NCKAP1L: variants seen among roughly 807,000 people sequenced by gnomAD.
NCKAP1L encodes nck-associated protein 1-like.
A neutral mutation model predicts 139.2 loss-of-function variants in NCKAP1L; 53 were observed. The observed-to-expected ratio is 0.38, with a 90% CI of 0.31 to 0.48. The LOEUF (loss-of-function observed/expected upper bound fraction) is 0.48, where lower values mean the gene tolerates loss of function less well. Ranked by LOEUF, NCKAP1L falls within the 20% of genes least tolerant of loss-of-function variation. The pLI is 0.98. For synonymous variants in NCKAP1L, 468 were observed against 499.7 expected, an observed-to-expected ratio of 0.94 and a Z score of 0.85; for missense variants, 1,151 against 1,381.9, an observed-to-expected ratio of 0.83 and a Z score of 2.65.
chr12:54,521,173 T>G lies in NCKAP1L; in HGVS notation c.1813T>G (p.Leu605Val), dbSNP rs2120929626. 1.2e-6 allele frequency: 2 copies of G among 1,613,844 alleles called. No individual in the cohort carries two copies. The highest frequency in any genetic ancestry group is 1.7e-6 in the Non-Finnish European group (2 of 1,179,956). ...CCACTGCAACTCCTTCCTGGAAGAG[T>G]TGGCCAAGCAGACCAGCAATTGCGT... ...LHHCNSFLEE[L>V]AKQTSNCVLE... Residue 605 changes from leucine (L) to valine (V), a missense_variant, in exon 18 of 31, where the codon TTG becomes GTG. Transcript: ENST00000293373.
chr12:54,508,373 T>C lies in NCKAP1L; in HGVS notation c.364-16T>C. 1 of 1,614,010 alleles carries C rather than the reference T, an allele frequency of 6.2e-7. No individual in the cohort carries two copies. The highest frequency in any genetic ancestry group is 8.5e-7 in the Non-Finnish European group (1 of 1,179,848). ...TGGCCATGCTGTCCTTGGGTTCCTA[T>C]GTATTTTCCTTGTAGAATCTCAACT... On this transcript the variant is annotated splice_polypyrimidine_tract_variant and intron_variant, in intron 4 of 30. Coordinates refer to ENST00000293373, the MANE Select transcript of NCKAP1L (RefSeq NM_005337.5).
chr12:54,531,728 C>T lies in NCKAP1L; in HGVS notation c.2699-15C>T, dbSNP rs1368979048. 1 of 1,610,120 alleles carries T rather than the reference C, an allele frequency of 6.2e-7. No homozygotes were observed. The highest frequency in any genetic ancestry group is 2.2e-5 in the East Asian group (1 of 44,738). On this transcript the variant is annotated splice_polypyrimidine_tract_variant and intron_variant, in intron 24 of 30. Coordinates refer to ENST00000293373, the MANE Select transcript of NCKAP1L (RefSeq NM_005337.5). ...TCTCTAAATTATCTTTTCTAACACG[C>T]TTCTTTCTCCTCAGGGGCTGAAAAT...
At chr12:54,504,902 G>T (rs1437289108) in intron 3 of NCKAP1L, among the ~76,000 whole-genome samples, 1 of 152,218 alleles carries the variant, frequency 6.6e-6, no homozygotes, top group Admixed American at 6.5e-5. Flanking sequence ...TAGAGAATAA[G>T]ACCTGCGTAG....
intron 3 of NCKAP1L, among the ~76,000 whole-genome samples, chr12:54,503,604 CAT>C (rs958876651): frequency 1.3e-4 from 20 of 149,442 alleles, no homozygotes; most frequent in Admixed American, 6.0e-4. Context: ...AGTATACACA[CAT>C]ATATATATAT....
At chr12:54,525,037 G>A (rs1453570101) in intron 20 of NCKAP1L, among the ~76,000 whole-genome samples, 1 of 152,192 alleles carries the variant, frequency 6.6e-6, no homozygotes, top group Non-Finnish European at 1.5e-5. Context: ...AGGTTCAAGG[G>A]ACATGGAGAA....
chr12:54,500,101 A>G (rs1464320492), intron 2 of NCKAP1L, among the ~76,000 whole-genome samples: 1 of 141,874 alleles, frequency 7.0e-6, no homozygotes, highest in African/African-American at 2.7e-5. Context: ...GTATATTTCA[A>G]CTCTCTTTCT....
chr12:54,521,257 G>A lies in NCKAP1L; in HGVS notation c.1878+19G>A. On this transcript the variant is annotated intron_variant, in intron 18 of 30. Transcript: ENST00000293373. ...CGAGCAGGTAGACTCAGCCCTCTCT[G>A]TTTCACTCTCCCCTCTGCCAGCGCT... 6.2e-7 allele frequency: 1 copy of A among 1,612,672 alleles called. No homozygotes were observed. The highest frequency in any genetic ancestry group is 1.7e-4 in the Middle Eastern group (1 of 6,040).
At position 54,547,503 on chromosome 12, in the gene NCKAP1L, C is replaced by CGCGTGT. The variant is rs1555173116; in HGVS notation, c.*4819_*4820insCGTGTG. 6.8e-6 allele frequency: 1 copy of CGCGTGT among 146,698 alleles called. No individual in the cohort carries two copies. The highest frequency in any genetic ancestry group is 6.8e-5 in the Admixed American group (1 of 14,710). The allele number at this position is 146,698 out of a possible 1,614,324, so 9.1% of individuals were successfully genotyped here. A position where few individuals can be genotyped will look rare whatever the true frequency, so the allele number is the denominator to read the frequency against. ...TCACGAATAACTTTGTGTGTGTGTG[C>CGCGTGT]GTGTGTGTGTGTGTGTGTGTGTGTG... On this transcript the variant is annotated 3_prime_UTR_variant, in exon 31 of 31. Transcript: ENST00000293373.
intron 30 of NCKAP1L, among the ~76,000 whole-genome samples, chr12:54,542,248 G>A (rs1018129288): frequency 6.6e-6 from 1 of 152,152 alleles, no homozygotes; most frequent in African/African-American, 2.4e-5. Flanking sequence ...CTGCATCTGT[G>A]TGCTGCCCAC....
intron 20 of NCKAP1L, among the ~76,000 whole-genome samples, 164 bp from the exon 21 acceptor site, chr12:54,526,364 G>T (rs1228255517): frequency 3.3e-5 from 5 of 152,130 alleles, no homozygotes; most frequent in Non-Finnish European, 7.4e-5. Flanking sequence ...TAAAAATGAG[G>T]ATAATAACTG....
At position 54,546,947 on chromosome 12, in the gene NCKAP1L, A is replaced by C. The variant is rs1214731900; in HGVS notation, c.*4262A>C. On this transcript the variant is annotated 3_prime_UTR_variant, in exon 31 of 31. Coordinates refer to ENST00000293373, the MANE Select transcript of NCKAP1L (RefSeq NM_005337.5). ...GGCAGATCACATCCATCCGTCACCT[A>C]CTGCCAAAGCATCATTTTTGGTTTC... is the stretch of plus-strand genomic sequence containing the variant. 1 of 152,204 alleles carries C rather than the reference A, an allele frequency of 6.6e-6. No individual in the cohort carries two copies. The highest frequency in any genetic ancestry group is 2.4e-5 in the African/African-American group (1 of 41,450). The allele number at this position is 152,204 out of a possible 1,614,324, so 9.4% of individuals were successfully genotyped here. A position where few individuals can be genotyped will look rare whatever the true frequency, so the allele number is the denominator to read the frequency against.
At chr12:54,500,816 A>G (rs994052765) in intron 3 of NCKAP1L, 191 bp downstream of exon 3, 2 of 518,050 alleles carry the variant, frequency 3.9e-6, no homozygotes, top group South Asian at 2.3e-5. Flanking sequence ...TCACATTTCT[A>G]TTTTAAAAGA....
At chr12:54,515,497 G>T (rs552868335) in intron 9 of NCKAP1L, among the ~76,000 whole-genome samples, 2 of 152,310 alleles carry the variant, frequency 1.3e-5, no homozygotes, top group African/African-American at 4.8e-5. Context: ...TTCTAATTTG[G>T]TGATTCAAAA....
chr12:54,531,411 G>T lies in NCKAP1L; in HGVS notation c.2604+54G>T, dbSNP rs1957069448. The T allele has an allele frequency of 3.1e-6, 5 of 1,605,054 alleles. No individual in the cohort carries two copies. The South Asian group carries it at 5.5e-5, about 18-fold the overall frequency. On this transcript the variant is annotated intron_variant, in intron 23 of 30. Coordinates refer to ENST00000293373, the MANE Select transcript of NCKAP1L (RefSeq NM_005337.5). ...AGATCCTACCTTGAGGAAAGAGGGT[G>T]GGTATAGGAGACTGGGGGGGAAGAT...
At chr12:54,514,898 A>G (rs1049539527) in intron 9 of NCKAP1L, among the ~76,000 whole-genome samples, 1 of 152,212 alleles carries the variant, frequency 6.6e-6, no homozygotes, top group African/African-American at 2.4e-5. Context: ...TCTGATGATT[A>G]CTGCTTCTAA....
intron 22 of NCKAP1L, among the ~76,000 whole-genome samples, chr12:54,530,863 T>C (rs1008320892): frequency 3.3e-5 from 5 of 152,258 alleles, no homozygotes. Context: ...CAGATATTCA[T>C]ATCCTCATTT....
intron 26 of NCKAP1L, 114 bp downstream of exon 26, chr12:54,532,364 G>A (rs1476736089): frequency 2.4e-5 from 16 of 670,596 alleles, no homozygotes; most frequent in Admixed American, 1.3e-4. Context: ...GGATAAGGGC[G>A]AGGGTTTGAA....
In NCKAP1L at chr12:54,501,489, A is replaced by T. The variant is rs114663957; in HGVS notation, c.306+864A>T. 5.1e-3 allele frequency among the ~76,000 whole-genome samples: 752 copies of T among 146,550 alleles called. 6 individuals carry two copies. The highest frequency in any genetic ancestry group is 0.018 in the African/African-American group (714 of 38,978). ...AACATGAAAGTGGAAATGCTGGATC[A>T]TATGATAATTCTATTATTAACTTTT... is the stretch of plus-strand genomic sequence containing the variant. On this transcript the variant is annotated intron_variant, in intron 3 of 30. Transcript: ENST00000293373.
Position 54,523,872 on chromosome 12 carries a change from A to T in NCKAP1L, c.2072A>T (p.Asn691Ile), listed in dbSNP as rs764596738. 2 of 1,614,150 alleles carry T rather than the reference A, an allele frequency of 1.2e-6. No homozygotes were observed. The highest frequency in any genetic ancestry group is 1.7e-6 in the Non-Finnish European group (2 of 1,179,978). ...LNLTELALTM[N>I]HVYSFSVFEH... is the part of the protein sequence containing the mutation. ...TTGACAGAACTGGCACTGACAATGA[A>T]TCATGTATACAGTTTCTCCGTGTTT... Residue 691 changes from asparagine to isoleucine, a missense_variant, in exon 20 of 31, where the codon AAT becomes ATT. Physicochemically the swap from Asn to Ile is moderately radical, Grantham distance 149. Coordinates refer to ENST00000293373, the MANE Select transcript of NCKAP1L (RefSeq NM_005337.5).
Sources: gnomAD v4.1 joint callset for allele counts (sites outside exome capture counted in the v4.1 genomes callset) on GRCh38, gnomAD v4.1.1 for gene constraint, MANE v1.5 for transcripts, NCBI Gene and HGNC (gene_info 2026-07-23, HGNC 2026-07-21) for gene names.